CEP350: variants seen among roughly 807,000 people sequenced by gnomAD.
The protein encoded by CEP350 is centrosome-associated protein 350.
In CEP350, 126 loss-of-function variants were observed where a neutral mutation model predicts 331.8. The observed-to-expected ratio is 0.38, with a 90% CI of 0.33 to 0.44. The LOEUF (loss-of-function observed/expected upper bound fraction) is 0.44, where lower values mean the gene tolerates loss of function less well. Ranked by LOEUF, CEP350 falls within the 20% of genes least tolerant of loss-of-function variation. The pLI is 1.00. For synonymous variants in CEP350, 1,200 were observed against 1,259.5 expected (o/e 0.95, Z 1.00); for missense variants, 3,406 against 3,634.6 (o/e 0.94, Z 1.62).
intron 32 of CEP350, among the ~76,000 whole-genome samples, 169 bp from the exon 33 acceptor site, chr1:180,090,545 C>CAA (rs36128628): frequency 1.2e-3 from 91 of 77,298 alleles, no homozygotes; most frequent in African/African-American, 2.7e-3. Context: ...GACTCCGTCT[C>CAA]AAAAAAAAAA....
At chr1:180,002,004 C>T (rs1442583586) in intron 6 of CEP350, among the ~76,000 whole-genome samples, 1 of 152,174 alleles carries the variant, frequency 6.6e-6, no homozygotes, top group Non-Finnish European at 1.5e-5. Flanking sequence ...CTTTTAAAAG[C>T]TTATAAAAGC....
intron 1 of CEP350, among the ~76,000 whole-genome samples, chr1:179,959,064 TTAAA>T (rs1278452141): frequency 2.1e-4 from 32 of 152,298 alleles, no homozygotes; most frequent in East Asian, 1.9e-4. Flanking sequence ...TTTTCTTCTA[TTAAA>T]TAGTGATATA....
intron 1 of CEP350, among the ~76,000 whole-genome samples, chr1:179,981,554 T>G (rs1652271433): frequency 1.3e-5 from 2 of 152,190 alleles, no homozygotes; most frequent in Non-Finnish European, 2.9e-5. Flanking sequence ...AAATGGTGAT[T>G]TAAAAAATGT....
chr1:180,018,837 T>C (rs936493844), intron 11 of CEP350, among the ~76,000 whole-genome samples: 1 of 151,014 alleles, frequency 6.6e-6, no homozygotes, highest in African/African-American at 2.4e-5. Flanking sequence ...CAAAGCCTCA[T>C]GTTCGTCTTC....
intron 27 of CEP350, among the ~76,000 whole-genome samples, chr1:180,069,794 T>C (rs1658776544): frequency 6.6e-6 from 1 of 152,198 alleles, no homozygotes; most frequent in African/African-American, 2.4e-5. Flanking sequence ...TGTAAAGCAC[T>C]ATGTTCCATT....
intron 23 of CEP350, 28 bp from the exon 24 acceptor site, chr1:180,053,722 T>C (rs749769625): frequency 1.4e-6 from 2 of 1,419,256 alleles, no homozygotes; most frequent in East Asian, 4.6e-5. Flanking sequence ...TAGATGATGA[T>C]AAACAAGAAA....
At chr1:180,051,298 C>T (rs952359755) in intron 22 of CEP350, among the ~76,000 whole-genome samples, 1 of 152,198 alleles carries the variant, frequency 6.6e-6, no homozygotes, top group Non-Finnish European at 1.5e-5. Flanking sequence ...TTGAAGGGAG[C>T]ACACATGGAC....
In CEP350 at chr1:180,081,249, G is replaced by GT. The variant is rs912226793; in HGVS notation, c.6124+596dup. On this transcript the variant is annotated intron_variant, in intron 30 of 37. Coordinates refer to ENST00000367607, the MANE Select transcript of CEP350 (RefSeq NM_014810.5). ...AAACATGAAAATTGTTATTCTTTGG[G>GT]TTTTTTTTGGTAATTAATTATGTGT... 1.6e-4 allele frequency among the ~76,000 whole-genome samples: 24 copies of GT among 151,678 alleles called. No individual in the cohort carries two copies. In the East Asian group the frequency reaches 2.3e-3, roughly 15 times the overall value.
Position 180,033,858 on chromosome 1 carries a change from C to G in CEP350, c.3726-4C>G. The G allele has an allele frequency of 1.2e-6, 2 of 1,612,624 alleles. No individual in the cohort carries two copies. Among genetic ancestry groups the G allele is most frequent in the Non-Finnish European group, 8.5e-7 (1 of 1,178,990 alleles). On this transcript the variant is annotated splice_polypyrimidine_tract_variant and splice_region_variant and intron_variant, in intron 15 of 37. Coordinates refer to ENST00000367607, the MANE Select transcript of CEP350 (RefSeq NM_014810.5). ...CTAATGTTTTTGTGGATCAAAACTT[C>G]TAGTGTCTCATCAGATAAGGGAAGA...
At chr1:180,099,095 T>A in intron 37 of CEP350, 110 bp downstream of exon 37, 1 of 1,122,016 alleles carries the variant, frequency 8.9e-7, no homozygotes, top group South Asian at 2.3e-5. Context: ...TCTATGGTAT[T>A]AAAATCTTAA....
chr1:180,086,540 C>CATATAT (rs35457934), intron 31 of CEP350, among the ~76,000 whole-genome samples: 35 of 149,748 alleles, frequency 2.3e-4, no homozygotes, highest in East Asian at 5.9e-4. Flanking sequence ...ATGAGATATG[C>CATATAT]ATATATATAT....
At chr1:180,070,989 A>C (rs1407977861) in intron 27 of CEP350, among the ~76,000 whole-genome samples, 2 of 151,870 alleles carry the variant, frequency 1.3e-5, no homozygotes, top group African/African-American at 4.8e-5. Context: ...CTCTACTAAA[A>C]ATACAAAAAT....
intron 26 of CEP350, among the ~76,000 whole-genome samples, chr1:180,063,023 A>G (rs1226256064): frequency 6.6e-6 from 1 of 152,176 alleles, no homozygotes; most frequent in Non-Finnish European, 1.5e-5. Flanking sequence ...TACAAACTAA[A>G]TTGGAACAGA....
At chr1:180,099,443 A>G (rs1380532304) in intron 37 of CEP350, among the ~76,000 whole-genome samples, 1 of 152,202 alleles carries the variant, frequency 6.6e-6, no homozygotes, top group Non-Finnish European at 1.5e-5. Context: ...CTCATATACA[A>G]CTCAGTAAAT....
rs539052956 is a variant in CEP350 at position 180,113,889 on chromosome 1, G to C, written c.*2728G>C. On this transcript the variant is annotated 3_prime_UTR_variant, in exon 38 of 38. Coordinates refer to ENST00000367607, the MANE Select transcript of CEP350 (RefSeq NM_014810.5). ...AATTTAGCAGTAAACCAACATACAG[G>C]CTTCAGATTTACTTCTGAGTCCAAA... 1.3e-5 allele frequency: 2 copies of C among 152,556 alleles called. No homozygotes were observed. The highest frequency in any genetic ancestry group is 2.9e-5 in the Non-Finnish European group (2 of 68,022). The allele number at this position is 152,556 out of a possible 1,614,324, so 9.5% of individuals were successfully genotyped here.
intron 16 of CEP350, among the ~76,000 whole-genome samples, chr1:180,035,045 G>A (rs1327605742): frequency 6.6e-6 from 1 of 152,164 alleles, no homozygotes; most frequent in Non-Finnish European, 1.5e-5. Context: ...TCACATGAAT[G>A]ACAGATAAGA....
chr1:180,099,608 A>G (rs969917892), intron 37 of CEP350, among the ~76,000 whole-genome samples: 1 of 152,162 alleles, frequency 6.6e-6, no homozygotes, highest in African/African-American at 2.4e-5. Context: ...AAACATTTTA[A>G]TTCTGGACCT....
At chr1:180,028,039 T>A (rs1558111475) in intron 14 of CEP350, among the ~76,000 whole-genome samples, 1 of 152,222 alleles carries the variant, frequency 6.6e-6, no homozygotes, top group Non-Finnish European at 1.5e-5. Context: ...TAGACATCAT[T>A]TTACCAGCAC....
chr1:180,043,127 T>C lies in CEP350; in HGVS notation c.4434T>C (p.Tyr1478=). ...CAGGAGCTCCCCTTGCAATACTGTA[T>C]GACCACCAACGGCAGCACCTTCCAG... ...VASGAPLAIL[Y]DHQRQHLPDF... Residue 1478 remains tyrosine, a synonymous_variant, in exon 20 of 38, where the codon TAT becomes TAC. Transcript: ENST00000367607. The C allele has an allele frequency of 6.2e-7, 1 of 1,613,914 alleles. No individual in the cohort carries two copies. The highest frequency in any genetic ancestry group is 8.5e-7 in the Non-Finnish European group (1 of 1,179,820).
Sources: allele counts gnomAD v4.1 joint callset (sites outside exome capture counted in the v4.1 genomes callset), GRCh38; gene constraint gnomAD v4.1.1; transcripts MANE v1.5; gene names NCBI Gene and HGNC (gene_info 2026-07-23, HGNC 2026-07-21).